TMEFF1: variants seen among roughly 807,000 people sequenced by gnomAD.
TMEFF1 encodes tomoregulin-1.
Under a neutral mutation model 47.5 loss-of-function variants are expected in TMEFF1, and 20 were observed. The observed-to-expected ratio is 0.42, with a 90% CI of 0.30 to 0.61. The LOEUF is 0.61. Among genes scored for constraint, TMEFF1 ranks in the 20% least tolerant of loss-of-function variants. The pLI is 0.19. For missense variants in TMEFF1, 411 were observed against 471.1 expected, an observed-to-expected ratio of 0.87 and a Z score of 1.18; for synonymous variants, 162 against 166.3, an observed-to-expected ratio of 0.97 and a Z score of 0.20.
At chr9:100,490,836 G>GGTTGTGT (rs1554682717) in intron 1 of TMEFF1, among the ~76,000 whole-genome samples, 25 of 136,166 alleles carry the variant, frequency 1.8e-4, no homozygotes, top group African/African-American at 7.0e-4. Context: ...TTATATGTAT[G>GGTTGTGT]GTGTGTGTGT....
intron 1 of TMEFF1, among the ~76,000 whole-genome samples, chr9:100,497,729 C>G (rs1049199305): frequency 6.6e-6 from 1 of 152,064 alleles, no homozygotes; most frequent in Non-Finnish European, 1.5e-5. Flanking sequence ...TAGAAAACAA[C>G]CAGGAATGGG....
At chr9:100,522,085 G>A (rs924084262) in intron 5 of TMEFF1, among the ~76,000 whole-genome samples, 9 of 152,188 alleles carry the variant, frequency 5.9e-5, no homozygotes, top group Non-Finnish European at 5.9e-5. Flanking sequence ...CTTTTCTCTT[G>A]TGTAAACAGA....
intron 7 of TMEFF1, among the ~76,000 whole-genome samples, chr9:100,559,404 G>GT (rs1838973170): frequency 6.6e-6 from 1 of 152,128 alleles, no homozygotes; most frequent in African/African-American, 2.4e-5. Flanking sequence ...TTAGTGATCT[G>GT]TTTTGCACTT....
At position 100,576,711 on chromosome 9, in the gene TMEFF1, A is replaced by G. The variant is rs1434762099; in HGVS notation, c.*111A>G. The G allele has an allele frequency of 2.3e-6, 3 of 1,296,716 alleles. No homozygotes were observed. The highest frequency in any genetic ancestry group is 2.4e-5 in the East Asian group (1 of 42,136). 80.3% of individuals were successfully genotyped at this position (1,296,716 alleles called of 1,614,324 possible). ...CCTTATTTTTGGACATTTTTAGTGT[A>G]GTACTGTTGGCTCGTATTTAGAATA... On this transcript the variant is annotated 3_prime_UTR_variant, in exon 10 of 10. Coordinates refer to ENST00000374879, the MANE Select transcript of TMEFF1 (RefSeq NM_003692.5).
chr9:100,543,437 T>C lies in TMEFF1; in HGVS notation c.561-4307T>C, dbSNP rs190915389. ...TTTAAAAATCGATTTGTTCTCCTCATGGTGTTCTATTACTTAGTTGTGGGT... is the reference window on the plus strand; with the variant it reads ...TTTAAAAATCGATTTGTTCTCCTCACGGTGTTCTATTACTTAGTTGTGGGT... On this transcript the variant is annotated intron_variant, in intron 5 of 9. Transcript: ENST00000374879. Among the ~76,000 whole-genome samples the C allele has an allele frequency of 3.3e-5, 5 of 152,252 alleles. No individual in the cohort carries two copies. The East Asian group carries it at 5.8e-4, about 18-fold the overall frequency.
chr9:100,515,811 C>CA lies in TMEFF1; in HGVS notation c.464-854dup, dbSNP rs575964606. On this transcript the variant is annotated intron_variant, in intron 4 of 9. Transcript: ENST00000374879. ...AGACTCCGTCTGAAAAACAAACAAACAAAAAAAAAAGACACTCCCTGAATA... is the reference window on the plus strand; with the variant it reads ...AGACTCCGTCTGAAAAACAAACAAACAAAAAAAAAAAGACACTCCCTGAATA... Among the ~76,000 whole-genome samples the CA allele has an allele frequency of 9.3e-4, 137 of 146,582 alleles. 1 individual carries two copies. Among genetic ancestry groups the CA allele is most frequent in the Admixed American group, 4.3e-3 (64 of 14,718 alleles).
rs564086044 is a variant in TMEFF1 at position 100,492,834 on chromosome 9, G to T, written c.197-5931G>T. Among the ~76,000 whole-genome samples the T allele has an allele frequency of 5.3e-5, 8 of 152,154 alleles. No individual in the cohort carries two copies. The South Asian group carries it at 6.3e-4, about 12-fold the overall frequency. On this transcript the variant is annotated intron_variant, in intron 1 of 9. Transcript: ENST00000374879. Reference sequence around the variant, plus strand: ...GAAGAGTTGCTATAGGAAGAAGGAGGAAGTGAGGCCTGCTGGAGGTTAAGG... The same window carrying T: ...GAAGAGTTGCTATAGGAAGAAGGAGTAAGTGAGGCCTGCTGGAGGTTAAGG...
At chr9:100,534,337 T>G (rs1838463172) in intron 5 of TMEFF1, among the ~76,000 whole-genome samples, 1 of 152,194 alleles carries the variant, frequency 6.6e-6, no homozygotes, top group Non-Finnish European at 1.5e-5. Flanking sequence ...CATATTCAGT[T>G]TCTGTATTGA....
At chr9:100,541,292 A>T (rs758409439) in intron 5 of TMEFF1, among the ~76,000 whole-genome samples, 2 of 149,388 alleles carry the variant, frequency 1.3e-5, no homozygotes, top group African/African-American at 2.5e-5. Flanking sequence ...TCTGCTTGGT[A>T]TATGAGTTGC....
At chr9:100,513,410 T>TTTTTTTTTTTTTTTTTTTTTTTTTTTTA (rs1564014652) in intron 4 of TMEFF1, 77 bp downstream of exon 4, 2 of 1,225,270 alleles carry the variant, frequency 1.6e-6, no homozygotes, top group Non-Finnish European at 1.1e-6. Flanking sequence ...TTTTTTTTTT[T>TTTTTTTTTTTTTTTTTTTTTTTTTTTTA]AAATCAGCTT....
intron 6 of TMEFF1, 136 bp downstream of exon 6, chr9:100,548,028 C>G: frequency 2.8e-6 from 3 of 1,058,752 alleles, no homozygotes; most frequent in East Asian, 3.5e-5. Flanking sequence ...CTTTATATTT[C>G]AGATTTTTTA....
intron 3 of TMEFF1, among the ~76,000 whole-genome samples, chr9:100,512,572 T>G (rs180710067): frequency 4.6e-5 from 7 of 152,346 alleles, no homozygotes; most frequent in Middle Eastern, 6.8e-3. Flanking sequence ...CTGATGATTT[T>G]ACATCATTAC....
intron 8 of TMEFF1, among the ~76,000 whole-genome samples, chr9:100,567,295 T>A (rs1236301674): frequency 6.6e-6 from 1 of 152,116 alleles, no homozygotes; most frequent in Non-Finnish European, 1.5e-5. Flanking sequence ...GCTCCTCACC[T>A]CCTTCAAGTC....
Position 100,473,779 on chromosome 9 carries a change from C to A in TMEFF1, c.196+39C>A. 1 of 1,435,546 alleles carries A rather than the reference C, an allele frequency of 7.0e-7. No individual in the cohort carries two copies. The highest frequency in any genetic ancestry group is 9.2e-7 in the Non-Finnish European group (1 of 1,084,884). 88.9% of individuals were successfully genotyped at this position (1,435,546 alleles called of 1,614,324 possible). ...GAGCCGGCCCTAGGTCTTCCCACCC[C>A]TCCGTTGCCGCCTCCCTCGTGGTCC... On this transcript the variant is annotated intron_variant, in intron 1 of 9. Transcript: ENST00000374879. The surrounding 1 kb of genome is among the most constrained non-coding windows in gnomAD (Gnocchi z 5.4).
intron 7 of TMEFF1, among the ~76,000 whole-genome samples, chr9:100,554,023 C>G (rs750546278): frequency 9.2e-5 from 14 of 152,136 alleles, no homozygotes; most frequent in Non-Finnish European, 1.6e-4. Flanking sequence ...AGCCTATAAT[C>G]TAACTATACC....
intron 5 of TMEFF1, among the ~76,000 whole-genome samples, chr9:100,534,943 AT>A (rs1838474351): frequency 6.6e-6 from 1 of 151,982 alleles, no homozygotes; most frequent in Non-Finnish European, 1.5e-5. Context: ...GGTGGGCAAA[AT>A]TTTTTTGTAA....
chr9:100,549,130 A>G (rs1175821726), intron 6 of TMEFF1, among the ~76,000 whole-genome samples: 1 of 152,170 alleles, frequency 6.6e-6, no homozygotes, highest in Non-Finnish European at 1.5e-5. Flanking sequence ...TTTATAAAGA[A>G]AAGAGGTATA....
At chr9:100,489,531 T>C (rs1375254549) in intron 1 of TMEFF1, among the ~76,000 whole-genome samples, 2 of 152,232 alleles carry the variant, frequency 1.3e-5, no homozygotes, top group Non-Finnish European at 2.9e-5. Flanking sequence ...AGCATGTAAT[T>C]GTTTTATTTG....
intron 1 of TMEFF1, among the ~76,000 whole-genome samples, chr9:100,490,490 A>G (rs1394169414): frequency 6.6e-6 from 1 of 152,190 alleles, no homozygotes; most frequent in African/African-American, 2.4e-5. Context: ...CATATCTGGG[A>G]AAAGAAAAAA....
Sources: allele counts gnomAD v4.1 joint callset (sites outside exome capture counted in the v4.1 genomes callset), GRCh38; gene constraint gnomAD v4.1.1; non-coding constraint Gnocchi (gnomAD v3.1); transcripts MANE v1.5; gene names NCBI Gene and HGNC (gene_info 2026-07-23, HGNC 2026-07-21).